NPRL3: variants seen among roughly 807,000 people sequenced by gnomAD.
NPRL3 encodes NPR3 like, GATOR1 complex subunit, also known as GATOR1 complex protein NPRL3.
In NPRL3, 23 loss-of-function variants were observed where a neutral mutation model predicts 57.2. That is an observed-to-expected ratio of 0.40 (90% confidence interval 0.29 to 0.57). The LOEUF is 0.57. Among genes scored for constraint, NPRL3 ranks in the 20% least tolerant of loss-of-function variants. The pLI, the probability that NPRL3 is intolerant of heterozygous loss-of-function variation, is 0.42. For synonymous variants in NPRL3, 333 were observed against 321.1 expected (o/e 1.04, Z -0.39); for missense variants, 691 against 767.1 (o/e 0.90, Z 1.17).
intron 4 of NPRL3, 96 bp from the exon 5 acceptor site, chr16:117,471 T>C (rs912994993): frequency 1.2e-5 from 10 of 802,676 alleles, no homozygotes; most frequent in Non-Finnish European, 1.8e-5. Flanking sequence ...GTCCCCAGAA[T>C]ACAGCACCAA....
At chr16:133,455 C>T (rs927108751) in intron 2 of NPRL3, among the ~76,000 whole-genome samples, 1 of 151,994 alleles carries the variant, frequency 6.6e-6, no homozygotes, top group Non-Finnish European at 1.5e-5. Flanking sequence ...TGGTCTCGAA[C>T]TTCTGACCTC....
At chr16:132,916 A>G (rs909816892) in intron 2 of NPRL3, among the ~76,000 whole-genome samples, 7 of 151,796 alleles carry the variant, frequency 4.6e-5, no homozygotes, top group South Asian at 2.1e-4. Flanking sequence ...TGATCCGCCC[A>G]CCTCGGCCTC....
chr16:132,948 C>T (rs1031711846), intron 2 of NPRL3, among the ~76,000 whole-genome samples: 19 of 152,130 alleles, frequency 1.2e-4, no homozygotes, highest in African/African-American at 1.9e-4. Flanking sequence ...GGATTACAGG[C>T]GTGAGCCACC....
In NPRL3 at chr16:100,379, C is replaced by T. The variant is rs772274896; in HGVS notation, c.760G>A (p.Ala254Thr). ...GTGGGGCTGGGCACTTACCGGATGGCTTTCAGGCTCCGTTCGATGGCCTCT... is the reference window on the plus strand; with the variant it reads ...GTGGGGCTGGGCACTTACCGGATGGTTTTCAGGCTCCGTTCGATGGCCTCT... ...PPEAIERSLK[A>T]IRPYHALLLL... The change falls in exon 8 of 14, where the codon GCC becomes ACC. Residue 254 changes from alanine (A) to threonine (T), a missense_variant. Ala to Thr is a moderately conservative substitution (Grantham distance 58). Transcript: ENST00000611875. 6.5e-7 allele frequency: 1 copy of T among 1,545,156 alleles called. No homozygotes were observed. Among genetic ancestry groups the T allele is most frequent in the Admixed American group, 2.0e-5 (1 of 48,958 alleles).
chr16:95,495 G>C (rs191817366), intron 9 of NPRL3, among the ~76,000 whole-genome samples: 32 of 151,980 alleles, frequency 2.1e-4, no homozygotes, highest in African/African-American at 7.5e-4. Flanking sequence ...TTGAAGTCTT[G>C]TAACATACTA....
At chr16:131,843 C>A (rs1348493443) in intron 2 of NPRL3, among the ~76,000 whole-genome samples, 1 of 152,100 alleles carries the variant, frequency 6.6e-6, no homozygotes, top group East Asian at 1.9e-4. Context: ...AGCACTTTAT[C>A]CACCACAGAA....
At position 123,422 on chromosome 16, in the gene NPRL3, G is replaced by A. The variant is rs566454010; in HGVS notation, c.189-4167C>T. ...CTCATCAGTCACTCTTCAACATGGA[G>A]GGAAATCAGGAATTAAGCACAATTA... On this transcript the variant is annotated intron_variant, in intron 3 of 13. Transcript: ENST00000611875. The A allele has an allele frequency of 4.9e-5, 23 of 466,398 alleles. 1 individual carries two copies. The highest frequency in any genetic ancestry group is 3.3e-4 in the South Asian group (21 of 64,360). 28.9% of individuals were successfully genotyped at this position (466,398 alleles called of 1,614,324 possible).
rs1898564175 is a variant in NPRL3 at position 87,820 on chromosome 16, T to G, written c.1544+878A>C. ...CTCCTGACCTCGTGATCCACCCACCTCAGCCTCCCAAAGTGCTGGGATTAC... is the reference window on the plus strand; with the variant it reads ...CTCCTGACCTCGTGATCCACCCACCGCAGCCTCCCAAAGTGCTGGGATTAC... On this transcript the variant is annotated intron_variant, in intron 13 of 13. Transcript: ENST00000611875. Among the ~76,000 whole-genome samples, 3 of 150,798 alleles carry G rather than the reference T, an allele frequency of 2.0e-5. No individual in the cohort carries two copies. In the South Asian group the frequency reaches 6.3e-4, roughly 32 times the overall value.
At chr16:97,418 T>TA (rs1395071465) in intron 9 of NPRL3, among the ~76,000 whole-genome samples, 13 of 149,968 alleles carry the variant, frequency 8.7e-5, no homozygotes, top group African/African-American at 1.5e-4. Context: ...CTATTTTTTT[T>TA]TTTTTTTTTT....
chr16:134,683 T>C (rs567374694), intron 2 of NPRL3, among the ~76,000 whole-genome samples: 2 of 110,548 alleles, frequency 1.8e-5, no homozygotes, highest in East Asian at 5.3e-4. Context: ...AAAGTCACAG[T>C]AATTATTATT....
At chr16:128,624 C>T (rs1345979511) in intron 3 of NPRL3, among the ~76,000 whole-genome samples, 5 of 152,136 alleles carry the variant, frequency 3.3e-5, no homozygotes, top group Admixed American at 3.3e-4. Context: ...AAAAATTAGC[C>T]GGGCGTGGTG....
intron 2 of NPRL3, among the ~76,000 whole-genome samples, chr16:137,034 C>A (rs905000857): frequency 5.5e-5 from 8 of 144,966 alleles, no homozygotes; most frequent in Non-Finnish European, 9.0e-5. Context: ...ATGGCAAAAC[C>A]CCATCTCTAC....
At chr16:136,171 C>T (rs181756304) in intron 2 of NPRL3, among the ~76,000 whole-genome samples, 1 of 152,170 alleles carries the variant, frequency 6.6e-6, no homozygotes, top group Non-Finnish European at 1.5e-5. Context: ...AACGTTTGAA[C>T]TTTTCGTATT....
At chr16:132,250 C>T (rs1000491332) in intron 2 of NPRL3, among the ~76,000 whole-genome samples, 3 of 152,170 alleles carry the variant, frequency 2.0e-5, no homozygotes, top group African/African-American at 7.2e-5. Flanking sequence ...TCAAGTGATC[C>T]ACCTGCCTCA....
intron 9 of NPRL3, 36 bp from the exon 10 acceptor site, chr16:93,361 G>A: frequency 3.6e-6 from 5 of 1,402,724 alleles, no homozygotes; most frequent in South Asian, 1.2e-5. Context: ...GACCATGCCT[G>A]AGGCTGGCCC....
intron 10 of NPRL3, 135 bp downstream of exon 10, chr16:93,084 T>C (rs1898831581): frequency 4.4e-6 from 3 of 684,226 alleles, no homozygotes; most frequent in Non-Finnish European, 7.8e-6. Flanking sequence ...GGAGTTAGGC[T>C]GAAGTGAGAG....
At position 98,324 on chromosome 16, in the gene NPRL3, G is replaced by A. The variant is rs769479384; in HGVS notation, c.768-23C>T. Reference sequence around the variant, plus strand: ...GGGCTGCAAAACAATCACCTGTCACGGAACACACGAAGTGCAGGAACCCTG... The same window carrying A: ...GGGCTGCAAAACAATCACCTGTCACAGAACACACGAAGTGCAGGAACCCTG... On this transcript the variant is annotated intron_variant, in intron 8 of 13. Coordinates refer to ENST00000611875, the MANE Select transcript of NPRL3 (RefSeq NM_001077350.3). 54 of 1,611,524 alleles carry A rather than the reference G, an allele frequency of 3.4e-5. 1 individual carries two copies. The Middle Eastern group carries it at 6.6e-4, about 20-fold the overall frequency.
At chr16:98,720 G>A (rs1227840303) in intron 8 of NPRL3, among the ~76,000 whole-genome samples, 1 of 152,234 alleles carries the variant, frequency 6.6e-6, no homozygotes, top group East Asian at 1.9e-4. Context: ...GGCAGGTCAC[G>A]TGAGGTCAGG....
chr16:88,621 T>C, intron 13 of NPRL3, 77 bp downstream of exon 13: 1 of 1,290,516 alleles, frequency 7.7e-7, no homozygotes, highest in Non-Finnish European at 1.1e-6. Flanking sequence ...TTGGTGGTTC[T>C]GTTGCGTACG....
Sources: gnomAD v4.1 joint callset for allele counts (sites outside exome capture counted in the v4.1 genomes callset) on GRCh38, gnomAD v4.1.1 for gene constraint, MANE v1.5 for transcripts, NCBI Gene and HGNC (gene_info 2026-07-23, HGNC 2026-07-21) for gene names.